Variants in MGRN1 observed in about 807,000 individuals in gnomAD.
MGRN1 encodes mahogunin ring finger 1.
Under a neutral mutation model 69.2 loss-of-function variants are expected in MGRN1, and 29 were observed. The observed-to-expected ratio is 0.42, with a 90% CI of 0.31 to 0.57. The LOEUF (loss-of-function observed/expected upper bound fraction) is 0.57, where lower values mean the gene tolerates loss of function less well. Ranked by LOEUF, MGRN1 falls within the 20% of genes least tolerant of loss-of-function variation. The probability of loss-of-function intolerance (pLI) is 0.15; values close to 1 mark genes in which losing one functional copy is unlikely to be tolerated. For missense variants in MGRN1, 998 were observed against 796.2 expected (o/e 1.25, Z -3.05); for synonymous variants, 470 against 344.2 (o/e 1.37, Z -4.04).
intron 8 of MGRN1, 102 bp downstream of exon 8, chr16:4,668,414 C>A (rs2078854356): frequency 7.3e-6 from 9 of 1,227,774 alleles, no homozygotes; most frequent in Non-Finnish European, 1.1e-5. Context: ...TACACACGCA[C>A]ATATACTCAT....
chr16:4,666,209 C>A (rs539652158), intron 7 of MGRN1, among the ~76,000 whole-genome samples: 1 of 152,152 alleles, frequency 6.6e-6, no homozygotes, highest in East Asian at 1.9e-4. Context: ...CTCGCTGCAG[C>A]CTTGACCTCC....
At chr16:4,677,364 C>T (rs2079075446) in intron 10 of MGRN1, 99 bp from the exon 11 acceptor site, 3 of 886,376 alleles carry the variant, frequency 3.4e-6, no homozygotes, top group Non-Finnish European at 4.9e-6. Flanking sequence ...CCCCAGGACC[C>T]CTATGGTGTG....
In MGRN1 at chr16:4,683,903, G is replaced by A. The variant is rs762339568; in HGVS notation, c.1589G>A (p.Arg530Gln). ...LQDSSPEHCG[R>Q]GPPADIYLPG... ...GACAGCAGCCCCGAGCACTGTGGCC[G>A]AGGCCCACCTGCTGACATCTACCTG... The change falls in exon 16 of 17, where the codon CGA becomes CAA. Residue 530 changes from arginine (R) to glutamine (Q), a missense_variant. By Grantham distance (43) the Arg-to-Gln change is conservative. Coordinates refer to ENST00000262370, the MANE Select transcript of MGRN1 (RefSeq NM_015246.4). 26 of 1,611,702 alleles carry A rather than the reference G, an allele frequency of 1.6e-5. No homozygotes were observed. The highest frequency in any genetic ancestry group is 4.5e-5 in the East Asian group (2 of 44,766).
chr16:4,625,025 C>T lies in MGRN1; in HGVS notation c.65C>T (p.Ala22Val), dbSNP rs1014479330. ...GACATCGACATCCAGGCGAACTCGG[C>T]CTATCGCTACCCTCCGAAGTCCGGT... ...VEDIDIQANS[A>V]YRYPPKSGNY... The change falls in exon 1 of 17, where the codon GCC becomes GTC. Residue 22 changes from alanine to valine, a missense_variant. Physicochemically the swap from Ala to Val is moderately conservative, Grantham distance 64 (BLOSUM62 0). Transcript: ENST00000262370. 7 of 1,554,510 alleles carry T rather than the reference C, an allele frequency of 4.5e-6. No homozygotes were observed. Among genetic ancestry groups the T allele is most frequent in the Admixed American group, 1.9e-5 (1 of 52,734 alleles).
At chr16:4,655,050 C>T (rs1466180845) in intron 4 of MGRN1, among the ~76,000 whole-genome samples, 3 of 152,192 alleles carry the variant, frequency 2.0e-5, no homozygotes, top group Non-Finnish European at 4.4e-5. Context: ...GTGACCAGGG[C>T]AGGCCCCTCT....
intron 12 of MGRN1, among the ~76,000 whole-genome samples, chr16:4,681,116 C>T (rs1425772069): frequency 6.6e-6 from 1 of 152,242 alleles, no homozygotes; most frequent in Admixed American, 6.5e-5. Flanking sequence ...CCGGGCAGGG[C>T]ACAGCTCCCA....
chr16:4,645,604 G>C (rs1046636049), intron 1 of MGRN1, among the ~76,000 whole-genome samples: 1 of 152,202 alleles, frequency 6.6e-6, no homozygotes, highest in Non-Finnish European at 1.5e-5. Flanking sequence ...GGCAAGCTGG[G>C]GTGTGGGAGG....
In MGRN1 at chr16:4,665,138, C is replaced by T. The variant is rs1164759482; in HGVS notation, c.665C>T (p.Ala222Val). Residue 222 changes from alanine to valine, a missense_variant, in exon 7 of 17, where the codon GCT becomes GTT. Physicochemically the swap from Ala to Val is moderately conservative, Grantham distance 64. Coordinates refer to ENST00000262370, the MANE Select transcript of MGRN1 (RefSeq NM_015246.4). ...EVTGHAHVLL[A>V]AFEKHMDGSF... ...ACTGGCCACGCCCACGTGCTCTTGG[C>T]TGCCTTTGAAAAGGTAAGTGCCATC... 3.1e-6 allele frequency: 5 copies of T among 1,614,166 alleles called. No homozygotes were observed. The highest frequency in any genetic ancestry group is 4.2e-6 in the Non-Finnish European group (5 of 1,180,034).
chr16:4,647,377 CTT>C (rs150564228), intron 1 of MGRN1, among the ~76,000 whole-genome samples: 6,369 of 152,246 alleles, frequency 0.042, 444 homozygotes, highest in African/African-American at 0.14. Flanking sequence ...CCTTTAAAGA[CTT>C]TGTGTATTTC....
intron 1 of MGRN1, among the ~76,000 whole-genome samples, chr16:4,636,209 C>T (rs933161068): frequency 5.3e-5 from 8 of 152,066 alleles, no homozygotes; most frequent in African/African-American, 1.9e-4. Flanking sequence ...CCCCCAGAGG[C>T]CCCCTATTGT....
intron 4 of MGRN1, among the ~76,000 whole-genome samples, chr16:4,653,436 C>T (rs531395196): frequency 1.8e-4 from 28 of 152,338 alleles, no homozygotes; most frequent in African/African-American, 6.5e-4. Flanking sequence ...CCCCTGTCCC[C>T]TCCCTGGAGG....
At chr16:4,683,348 G>T in intron 15 of MGRN1, 79 bp downstream of exon 15, 1 of 1,523,714 alleles carries the variant, frequency 6.6e-7, no homozygotes, top group Non-Finnish European at 9.0e-7. Context: ...AGGGCTCCAG[G>T]TGGTGTTGGG....
At chr16:4,684,481 CT>C (rs1238150552) in intron 16 of MGRN1, among the ~76,000 whole-genome samples, 1 of 152,248 alleles carries the variant, frequency 6.6e-6, no homozygotes, top group Non-Finnish European at 1.5e-5. Flanking sequence ...CTGGGTCACC[CT>C]GCCCCGGGCC....
intron 16 of MGRN1, among the ~76,000 whole-genome samples, chr16:4,685,166 T>C (rs1048010494): frequency 4.6e-5 from 7 of 152,230 alleles, no homozygotes; most frequent in Non-Finnish European, 1.0e-4. Flanking sequence ...GAGTAAGGTC[T>C]TTCAGAGGAT....
chr16:4,669,520 G>T (rs749554169), intron 8 of MGRN1, among the ~76,000 whole-genome samples: 1 of 151,574 alleles, frequency 6.6e-6, no homozygotes, highest in Non-Finnish European at 1.5e-5. Flanking sequence ...TCTTGGGTGA[G>T]CATATATGTT....
At chr16:4,677,379 G>T (rs778925361) in intron 10 of MGRN1, 84 bp from the exon 11 acceptor site, 25 of 1,025,008 alleles carry the variant, frequency 2.4e-5, no homozygotes, top group Non-Finnish European at 3.2e-5. Context: ...GGTGTGGGGG[G>T]GGTGTTGATC....
At chr16:4,657,129 G>C (rs2078562335) in intron 4 of MGRN1, 117 bp from the exon 5 acceptor site, 1 of 972,198 alleles carries the variant, frequency 1.0e-6, no homozygotes, top group Non-Finnish European at 1.6e-6. Context: ...TTCCCCATGA[G>C]AGAGGGTCCC....
At chr16:4,659,209 C>A (rs1415425844) in intron 5 of MGRN1, 1 of 152,074 alleles carries the variant, frequency 6.6e-6, no homozygotes, top group Admixed American at 6.5e-5. Context: ...TAAACGTCTC[C>A]CCAGACTCCC....
In MGRN1 at chr16:4,652,731, T is replaced by C; in HGVS notation, c.350T>C (p.Leu117Pro). 1 of 1,613,174 alleles carries C rather than the reference T, an allele frequency of 6.2e-7. No homozygotes were observed. The highest frequency in any genetic ancestry group is 8.5e-7 in the Non-Finnish European group (1 of 1,179,628). The change falls in exon 4 of 17, where the codon CTC becomes CCC. Residue 117 changes from leucine to proline, a missense_variant. Coordinates refer to ENST00000262370, the MANE Select transcript of MGRN1 (RefSeq NM_015246.4). ...PTEDGDKPRV[L>P]YSLEFTFDAD... ...GAGGACGGCGACAAGCCCCGGGTGC[T>C]CTACAGCCTGGAGTTCACCTTCGAC...
Sources: gnomAD v4.1 joint callset for allele counts (sites outside exome capture counted in the v4.1 genomes callset) on GRCh38, gnomAD v4.1.1 for gene constraint, MANE v1.5 for transcripts, NCBI Gene and HGNC (gene_info 2026-07-23, HGNC 2026-07-21) for gene names.